Variants in DGKB observed in about 807,000 individuals in gnomAD.
The protein encoded by DGKB is diacylglycerol kinase beta.
Under a neutral mutation model 114.3 loss-of-function variants are expected in DGKB, and 67 were observed. That is an observed-to-expected ratio of 0.59 (90% confidence interval 0.48 to 0.72). The LOEUF is 0.72. Ranked by LOEUF, DGKB falls within the 30% of genes least tolerant of loss-of-function variation. DGKB has a pLI of 0.00. For missense variants in DGKB, 907 were observed against 975.2 expected, an observed-to-expected ratio of 0.93 and a Z score of 0.93; for synonymous variants, 398 against 323.1, an observed-to-expected ratio of 1.23 and a Z score of -2.49.
At chr7:14,735,799 A>C (rs534049126) in intron 5 of DGKB, among the ~76,000 whole-genome samples, 15 of 152,348 alleles carry the variant, frequency 9.8e-5, no homozygotes, top group Non-Finnish European at 1.9e-4. Flanking sequence ...ATATGTCTTC[A>C]AATTATTACC....
intron 20 of DGKB, among the ~76,000 whole-genome samples, chr7:14,484,546 T>C (rs1464951741): frequency 6.6e-6 from 1 of 152,200 alleles, no homozygotes; most frequent in Non-Finnish European, 1.5e-5. Context: ...AGGCACCTGT[T>C]GCCCCTTTGC....
chr7:14,837,466 A>C (rs1847316646), intron 2 of DGKB, among the ~76,000 whole-genome samples: 2 of 152,216 alleles, frequency 1.3e-5, no homozygotes, highest in African/African-American at 4.8e-5. Flanking sequence ...GCCCCACCTT[A>C]TTCCAAGAAA....
intron 20 of DGKB, among the ~76,000 whole-genome samples, chr7:14,489,414 A>G (rs542219587): frequency 1.1e-4 from 16 of 152,148 alleles, no homozygotes; most frequent in Non-Finnish European, 2.2e-4. Flanking sequence ...ATTATTTTCA[A>G]TAATCAAGAT....
intron 21 of DGKB, among the ~76,000 whole-genome samples, chr7:14,351,588 C>T (rs1229583359): frequency 2.0e-5 from 3 of 152,040 alleles, no homozygotes; most frequent in Admixed American, 6.6e-5. Flanking sequence ...ATAAAATCAG[C>T]AATTTATTTT....
At chr7:14,838,082 A>T (rs1160368400) in intron 2 of DGKB, among the ~76,000 whole-genome samples, 1 of 152,166 alleles carries the variant, frequency 6.6e-6, no homozygotes, top group African/African-American at 2.4e-5. Flanking sequence ...TTGTCTCAGT[A>T]TATTATGGAT....
chr7:14,500,879 A>G lies in DGKB; in HGVS notation c.1771-22654T>C, dbSNP rs573687536. Among the ~76,000 whole-genome samples, 4 of 152,032 alleles carry G rather than the reference A, an allele frequency of 2.6e-5. No individual in the cohort carries two copies. In the South Asian group the frequency reaches 8.3e-4, roughly 32 times the overall value. ...GCTTCTTTTTACATGAAAAATATAA[A>G]AGATATCTATAAATATGACAACGGC... is the stretch of plus-strand genomic sequence containing the variant. On this transcript the variant is annotated intron_variant, in intron 20 of 25. Coordinates refer to ENST00000402815, the MANE Select transcript of DGKB (RefSeq NM_001350709.2).
intron 23 of DGKB, among the ~76,000 whole-genome samples, chr7:14,189,712 A>G (rs978574178): frequency 2.0e-5 from 3 of 152,218 alleles, no homozygotes; most frequent in African/African-American, 7.2e-5. Flanking sequence ...ATAGAAAAAG[A>G]TATTCCGTGC....
chr7:14,589,155 T>A (rs1194429833), intron 17 of DGKB, among the ~76,000 whole-genome samples: 1 of 152,026 alleles, frequency 6.6e-6, no homozygotes, highest in African/African-American at 2.4e-5. Flanking sequence ...TGTTGGTATT[T>A]TAAACATTTA....
chr7:14,828,821 C>G (rs1432773375), intron 2 of DGKB, among the ~76,000 whole-genome samples: 1 of 152,036 alleles, frequency 6.6e-6, no homozygotes, highest in Non-Finnish European at 1.5e-5. Flanking sequence ...CCACATTTTC[C>G]CACAGTGATT....
At chr7:14,340,900 C>A (rs1811499487) in intron 22 of DGKB, among the ~76,000 whole-genome samples, 1 of 151,628 alleles carries the variant, frequency 6.6e-6, no homozygotes, top group African/African-American at 2.4e-5. Flanking sequence ...GCCTTAGAAC[C>A]CCACTGTGAC....
chr7:14,625,833 TAC>T (rs1366341777), intron 14 of DGKB, among the ~76,000 whole-genome samples: 1 of 152,104 alleles, frequency 6.6e-6, no homozygotes, highest in Admixed American at 6.6e-5. Context: ...AAATATAAAA[TAC>T]AGTTATTGAT....
At chr7:14,317,102 T>G (rs1447518285) in intron 23 of DGKB, among the ~76,000 whole-genome samples, 6 of 74,258 alleles carry the variant, frequency 8.1e-5, no homozygotes, top group Admixed American at 5.6e-4. Flanking sequence ...TGCTAAAAAC[T>G]CTCAATAAAT....
At chr7:14,478,357 G>T (rs1174018555) in intron 20 of DGKB, 132 bp from the exon 21 acceptor site, 5 of 525,854 alleles carry the variant, frequency 9.5e-6, no homozygotes, top group East Asian at 3.2e-5. Flanking sequence ...AGAAGGTTAT[G>T]TAAAATTAGG....
chr7:14,218,391 G>T (rs1263764999), intron 23 of DGKB, among the ~76,000 whole-genome samples: 1 of 152,022 alleles, frequency 6.6e-6, no homozygotes. Flanking sequence ...AAACCATCTT[G>T]CAAAAGCATT....
chr7:14,831,910 C>T (rs548347305), intron 2 of DGKB, among the ~76,000 whole-genome samples: 1 of 151,832 alleles, frequency 6.6e-6, no homozygotes, highest in East Asian at 1.9e-4. Context: ...GGACATTTCT[C>T]ACATAGTCTC....
chr7:14,825,728 T>A (rs1845619537), intron 2 of DGKB, among the ~76,000 whole-genome samples: 1 of 152,146 alleles, frequency 6.6e-6, no homozygotes, highest in African/African-American at 2.4e-5. Context: ...AGGACCCCTG[T>A]TTTAGATCAA....
intron 20 of DGKB, among the ~76,000 whole-genome samples, chr7:14,544,647 A>G (rs548603539): frequency 6.6e-6 from 1 of 152,304 alleles, no homozygotes; most frequent in Admixed American, 6.5e-5. Flanking sequence ...TTATTTTTCA[A>G]AGAAAAAATT....
At chr7:14,216,549 A>T (rs1237444868) in intron 23 of DGKB, among the ~76,000 whole-genome samples, 1 of 151,932 alleles carries the variant, frequency 6.6e-6, no homozygotes, top group African/African-American at 2.4e-5. Context: ...AACATGGTGA[A>T]ACCCCATCTC....
At chr7:14,750,075 C>T (rs1313699265) in intron 4 of DGKB, 7 of 510,224 alleles carry the variant, frequency 1.4e-5, no homozygotes, top group Admixed American at 6.0e-5. Context: ...TGTGTGCTAT[C>T]ATTTAGTCAT....
Sources: gnomAD v4.1 joint callset for allele counts (sites outside exome capture counted in the v4.1 genomes callset) on GRCh38, gnomAD v4.1.1 for gene constraint, MANE v1.5 for transcripts, NCBI Gene and HGNC (gene_info 2026-07-23, HGNC 2026-07-21) for gene names.